ABLIM2: variants seen among roughly 807,000 people sequenced by gnomAD.
ABLIM2 encodes actin-binding LIM protein 2.
Under a neutral mutation model 97.7 loss-of-function variants are expected in ABLIM2, and 53 were observed. The observed-to-expected ratio is 0.54, with a 90% confidence interval of 0.44 to 0.68. The LOEUF (loss-of-function observed/expected upper bound fraction) is 0.68. ABLIM2 is among the 30% of genes least tolerant of loss of function. ABLIM2 has a pLI of 0.00. For missense variants in ABLIM2, 835 were observed against 867.2 expected, an observed-to-expected ratio of 0.96 and a Z score of 0.47; for synonymous variants, 361 against 345.8, an observed-to-expected ratio of 1.04 and a Z score of -0.49.
intron 7 of ABLIM2, among the ~76,000 whole-genome samples, chr4:8,057,116 T>TA (rs1387424571): frequency 7.3e-6 from 1 of 136,738 alleles, no homozygotes; most frequent in African/African-American, 2.7e-5. Context: ...TTTTTTTTTT[T>TA]AAGACAAAGT....
intron 3 of ABLIM2, among the ~76,000 whole-genome samples, chr4:8,092,606 T>C (rs916187652): frequency 1.3e-5 from 2 of 152,196 alleles, no homozygotes; most frequent in Non-Finnish European, 2.9e-5. Context: ...CTATAAAGAC[T>C]GTAGCTATCT....
chr4:8,054,582 G>C lies in ABLIM2; in HGVS notation c.764-336C>G, dbSNP rs149880784. On this transcript the variant is annotated intron_variant, in intron 7 of 20. Transcript: ENST00000447017. This position sits in a 1 kb window ranked among gnomAD's most constrained non-coding sequence, Gnocchi z 4.9. The stretch of plus-strand genomic sequence containing the variant: ...AGCTGGAAGATTCTTCTCTGAGGAG[G>C]GGGTATTTGAAGGGGTTTCAAGTCC... 5.3e-4 allele frequency among the ~76,000 whole-genome samples: 80 copies of C among 152,330 alleles called. No homozygotes were observed. Among genetic ancestry groups the C allele is most frequent in the Non-Finnish European group, 1.0e-3 (70 of 68,026 alleles).
intron 8 of ABLIM2, among the ~76,000 whole-genome samples, chr4:8,047,039 G>T (rs937355641): frequency 6.6e-6 from 1 of 152,198 alleles, no homozygotes; most frequent in Admixed American, 6.5e-5. Flanking sequence ...GCTGGGCATC[G>T]TGCAGCGGCT....
In ABLIM2 at chr4:7,988,560, G is replaced by T. The variant is rs571000420; in HGVS notation, c.1681-3667C>A. 2.0e-5 allele frequency among the ~76,000 whole-genome samples: 3 copies of T among 152,310 alleles called. No homozygotes were observed. The East Asian group carries it at 5.8e-4, about 29-fold the overall frequency. On this transcript the variant is annotated intron_variant, in intron 17 of 20. Coordinates refer to ENST00000447017, the MANE Select transcript of ABLIM2 (RefSeq NM_001130083.2). ...TTGAGATTATGGCCATTTGCCACTG[G>T]TCACCCTTCTTTCCTTGCTAAAGCT... is the stretch of plus-strand genomic sequence containing the variant.
At chr4:8,073,329 T>C (rs1813684131) in intron 6 of ABLIM2, among the ~76,000 whole-genome samples, 1 of 150,556 alleles carries the variant, frequency 6.6e-6, no homozygotes, top group Admixed American at 6.6e-5. Flanking sequence ...CTGCCAACTC[T>C]TTGTCAAGCA....
At chr4:8,145,765 C>T (rs918831544) in intron 1 of ABLIM2, among the ~76,000 whole-genome samples, 25 of 149,198 alleles carry the variant, frequency 1.7e-4, no homozygotes, top group African/African-American at 5.7e-4. Context: ...CACACACACA[C>T]ACACACACAC....
chr4:8,079,878 T>C (rs1334618135), intron 5 of ABLIM2, among the ~76,000 whole-genome samples: 3 of 152,264 alleles, frequency 2.0e-5, no homozygotes, highest in East Asian at 3.9e-4. Flanking sequence ...AAGCACAGCA[T>C]AGATAAAAGT....
rs1800558113 is a variant in ABLIM2, at chr4:8,058,156, C to G, written c.763+2811G>C. On this transcript the variant is annotated intron_variant, in intron 7 of 20. Transcript: ENST00000447017. The surrounding 1 kb of genome is among the most constrained non-coding windows in gnomAD (Gnocchi z 4.2). ...GAGCTGCTGTCCCAAGGCCATTGTG[C>G]TCAGTGTCCACCGTGCCCCACTGTC... 6.6e-6 allele frequency among the ~76,000 whole-genome samples: 1 copy of G among 152,256 alleles called. No homozygotes were observed. The highest frequency in any genetic ancestry group is 2.4e-5 in the African/African-American group (1 of 41,480).
chr4:7,996,085 G>C lies in ABLIM2; in HGVS notation c.1619-3158C>G, dbSNP rs1753123977. Among the ~76,000 whole-genome samples, 1 of 152,154 alleles carries C rather than the reference G, an allele frequency of 6.6e-6. No homozygotes were observed. The highest frequency in any genetic ancestry group is 2.4e-5 in the African/African-American group (1 of 41,438). On this transcript the variant is annotated intron_variant, in intron 16 of 20. Coordinates refer to ENST00000447017, the MANE Select transcript of ABLIM2 (RefSeq NM_001130083.2). The surrounding 1 kb of genome is among the most constrained non-coding windows in gnomAD (Gnocchi z 4.5). ...CTCTGGGAGCCCGAGGGCCCCTCCA[G>C]CTGCAGCGGGAGCTCCTTATCAGCA...
chr4:7,991,833 C>A (rs1676493075), intron 17 of ABLIM2, among the ~76,000 whole-genome samples: 1 of 152,136 alleles, frequency 6.6e-6, no homozygotes, highest in Admixed American at 6.5e-5. Context: ...ACGGAGAGAA[C>A]AAATGCCAGC....
chr4:8,126,223 G>A (rs1433006172), intron 1 of ABLIM2, among the ~76,000 whole-genome samples: 3 of 152,214 alleles, frequency 2.0e-5, no homozygotes, highest in Non-Finnish European at 4.4e-5. Context: ...AGGCCAGAAG[G>A]AGGGCACCAG....
At chr4:7,993,904 G>A (rs1158757223) in intron 16 of ABLIM2, 1 of 510,676 alleles carries the variant, frequency 2.0e-6, no homozygotes, top group East Asian at 5.5e-5. Flanking sequence ...GGGTGGGCCT[G>A]GGAGCTTGCT....
intron 16 of ABLIM2, among the ~76,000 whole-genome samples, chr4:7,997,149 G>T (rs1416830351): frequency 6.6e-6 from 1 of 152,104 alleles, no homozygotes; most frequent in African/African-American, 2.4e-5. Flanking sequence ...TTGGCTCACT[G>T]CAACCTCCGT....
chr4:8,030,366 C>T (rs943166133), intron 10 of ABLIM2, among the ~76,000 whole-genome samples: 2 of 152,152 alleles, frequency 1.3e-5, no homozygotes, highest in South Asian at 2.1e-4. Context: ...CACCATGGCA[C>T]GGGGGAGAGC....
chr4:8,158,789 C>T lies in ABLIM2; in HGVS notation c.-100G>A. 8.9e-7 allele frequency: 1 copy of T among 1,122,606 alleles called. No individual in the cohort carries two copies. Among genetic ancestry groups the T allele is most frequent in the Middle Eastern group, 3.4e-4 (1 of 2,918 alleles). The allele number at this position is 1,122,606 out of a possible 1,614,324, so 69.5% of individuals were successfully genotyped here. ...GCGCTATCCTCCGCCCGCCCGCCGGCTCCGCGCCCGCTCCTTGCGCACACG... is the reference window on the plus strand; with the variant it reads ...GCGCTATCCTCCGCCCGCCCGCCGGTTCCGCGCCCGCTCCTTGCGCACACG... On this transcript the variant is annotated 5_prime_UTR_variant, in exon 1 of 21. Transcript: ENST00000447017.
At position 8,130,651 on chromosome 4, in the gene ABLIM2, C is replaced by T. The variant is rs542605888; in HGVS notation, c.11-24014G>A. ...GGGAGCACAGGGTGATCTGACCTGGCCTGGAGGGAGCAGAGGGGCTTCCTG... is the reference window on the plus strand; with the variant it reads ...GGGAGCACAGGGTGATCTGACCTGGTCTGGAGGGAGCAGAGGGGCTTCCTG... On this transcript the variant is annotated intron_variant, in intron 1 of 20. Transcript: ENST00000447017. This position sits in a 1 kb window ranked among gnomAD's most constrained non-coding sequence, Gnocchi z 4.2. Among the ~76,000 whole-genome samples the T allele has an allele frequency of 6.6e-6, 1 of 152,072 alleles. No individual in the cohort carries two copies. The highest frequency in any genetic ancestry group is 1.9e-4 in the East Asian group (1 of 5,154).
At chr4:8,090,212 G>A (rs575689148) in intron 3 of ABLIM2, among the ~76,000 whole-genome samples, 6 of 152,310 alleles carry the variant, frequency 3.9e-5, no homozygotes, top group South Asian at 2.1e-4. Flanking sequence ...CTGGGTCTCC[G>A]TGTCTTGCAC....
chr4:8,108,500 G>C (rs975875452), intron 1 of ABLIM2, among the ~76,000 whole-genome samples: 1 of 152,210 alleles, frequency 6.6e-6, no homozygotes, highest in Non-Finnish European at 1.5e-5. Context: ...AGACTCGCGG[G>C]GAGGCGACTA....
rs1055082397 is a variant in ABLIM2 at position 8,123,905 on chromosome 4, A to C, written c.11-17268T>G. ...CTGGAGACACGGTTCCTTTGGGTTC[A>C]ATGACAAAAATAACTTCATTTTGAT... On this transcript the variant is annotated intron_variant, in intron 1 of 20. Coordinates refer to ENST00000447017, the MANE Select transcript of ABLIM2 (RefSeq NM_001130083.2). This position sits in a 1 kb window ranked among gnomAD's most constrained non-coding sequence, Gnocchi z 6.2. Among the ~76,000 whole-genome samples the C allele has an allele frequency of 6.6e-6, 1 of 152,282 alleles. No homozygotes were observed. Among genetic ancestry groups the C allele is most frequent in the East Asian group, 1.9e-4 (1 of 5,176 alleles).
Sources: gnomAD v4.1 joint callset for allele counts (sites outside exome capture counted in the v4.1 genomes callset) on GRCh38, gnomAD v4.1.1 for gene constraint, Gnocchi (gnomAD v3.1) non-coding constraint, MANE v1.5 for transcripts, NCBI Gene and HGNC (gene_info 2026-07-23, HGNC 2026-07-21) for gene names.